Variants in ITGA9 observed in about 807,000 individuals in gnomAD.
ITGA9 encodes integrin subunit alpha 9.
A neutral mutation model predicts 127.8 loss-of-function variants in ITGA9; 56 were observed. That is an observed-to-expected ratio of 0.44 (90% CI 0.35 to 0.55). ITGA9 has a LOEUF of 0.55. Among genes scored for constraint, ITGA9 ranks in the 20% least tolerant of loss-of-function variants. ITGA9 has a pLI of 0.00. For missense variants in ITGA9, 1,196 were observed against 1,347.1 expected, an observed-to-expected ratio of 0.89 and a Z score of 1.76; for synonymous variants, 508 against 514.5, an observed-to-expected ratio of 0.99 and a Z score of 0.17.
intron 23 of ITGA9, among the ~76,000 whole-genome samples, chr3:37,766,485 G>A (rs928090756): frequency 2.6e-5 from 4 of 152,294 alleles, no homozygotes; most frequent in Admixed American, 2.6e-4. Flanking sequence ...TGGTGATGTA[G>A]GAATCATGGC....
At chr3:37,638,451 GAAAA>G (rs35047739) in intron 16 of ITGA9, among the ~76,000 whole-genome samples, 22 of 127,596 alleles carry the variant, frequency 1.7e-4, no homozygotes, top group Admixed American at 4.8e-4. Context: ...TGATTATGGG[GAAAA>G]AAAAAAAAAA....
At chr3:37,780,805 C>G (rs1345895515) in intron 25 of ITGA9, among the ~76,000 whole-genome samples, 1 of 152,142 alleles carries the variant, frequency 6.6e-6, no homozygotes, top group Non-Finnish European at 1.5e-5. Flanking sequence ...TATAAGTGTT[C>G]CCTTTTCTTT....
Position 37,785,025 on chromosome 3 carries a change from G to A in ITGA9, c.2836G>A (p.Asp946Asn), listed in dbSNP as rs777371983. The A allele has an allele frequency of 9.9e-6, 16 of 1,614,178 alleles. No individual in the cohort carries two copies. The highest frequency in any genetic ancestry group is 1.6e-4 in the Middle Eastern group (1 of 6,062). The change falls in exon 26 of 28, where the codon GAT becomes AAT. Residue 946 changes from aspartate (D) to asparagine (N), a missense_variant. By Grantham distance (23) the Asp-to-Asn change is conservative. Transcript: ENST00000264741. Reference protein sequence around the residue: ...QFMSRAKVKVDPALRVVEIAH... With the variant: ...QFMSRAKVKVNPALRVVEIAH... ...CATGTCCCGCGCCAAGGTGAAGGTG[G>A]ATCCTGCCCTAAGGGTGGTGGAAAT...
At chr3:37,606,474 A>G (rs538922665) in intron 15 of ITGA9, among the ~76,000 whole-genome samples, 24 of 152,292 alleles carry the variant, frequency 1.6e-4, no homozygotes, top group African/African-American at 5.5e-4. Context: ...GCACAGCTGT[A>G]TTGGACAGCA....
intron 22 of ITGA9, chr3:37,748,013 C>T: frequency 3.0e-6 from 1 of 331,760 alleles, no homozygotes; most frequent in South Asian, 2.7e-5. Flanking sequence ...ACCTCCAGTT[C>T]CGTCCTTGTT....
intron 14 of ITGA9, among the ~76,000 whole-genome samples, chr3:37,535,400 G>A (rs186080412): frequency 7.9e-5 from 12 of 152,334 alleles, no homozygotes; most frequent in Admixed American, 4.6e-4. Flanking sequence ...TGAGCTGAGC[G>A]CAGAGGAGAT....
intron 16 of ITGA9, among the ~76,000 whole-genome samples, chr3:37,630,371 G>C (rs1407481664): frequency 6.6e-6 from 1 of 152,228 alleles, no homozygotes; most frequent in Non-Finnish European, 1.5e-5. Flanking sequence ...ATGGTCTAAT[G>C]ATGCTGTGCT....
intron 23 of ITGA9, among the ~76,000 whole-genome samples, chr3:37,762,614 A>C (rs1409571898): frequency 6.6e-6 from 1 of 152,218 alleles, no homozygotes; most frequent in Non-Finnish European, 1.5e-5. Context: ...GCTGCATTCA[A>C]GGAGATTCTC....
In ITGA9 at chr3:37,727,990, C is replaced by T. The variant is rs373791662; in HGVS notation, c.2068-4722C>T. Among the ~76,000 whole-genome samples the T allele has an allele frequency of 1.6e-4, 25 of 152,316 alleles. No homozygotes were observed. The East Asian group carries it at 2.1e-3, about 13-fold the overall frequency. ...CTTTTAGAGCAAGATTTCTGCTTCA[C>T]TCTGTATTTGATTTGCATTGTATTG... On this transcript the variant is annotated intron_variant, in intron 18 of 27. Transcript: ENST00000264741.
intron 16 of ITGA9, among the ~76,000 whole-genome samples, chr3:37,638,934 A>G (rs1211909043): frequency 6.6e-6 from 1 of 152,170 alleles, no homozygotes; most frequent in Non-Finnish European, 1.5e-5. Flanking sequence ...CCTTCCCTCT[A>G]TAGGGTACAT....
Position 37,629,255 on chromosome 3 carries a change from T to C in ITGA9, c.1758T>C (p.Thr586=). ...EAAYSLSEHV[T]GEEERELPPL... is the part of the protein sequence containing the mutation. ...CCTACAGCCTCAGTGAGCATGTGAC[T>C]GGAGAGGAGGAGAGGGAACTGCCGC... Residue 586 remains threonine, a synonymous_variant, in exon 16 of 28, where the codon ACT becomes ACC. Coordinates refer to ENST00000264741, the MANE Select transcript of ITGA9 (RefSeq NM_002207.3). The surrounding 1 kb of genome is among the most constrained non-coding windows in gnomAD (Gnocchi z 4.5). The C allele has an allele frequency of 6.2e-7, 1 of 1,613,916 alleles. No homozygotes were observed. Among genetic ancestry groups the C allele is most frequent in the Non-Finnish European group, 8.5e-7 (1 of 1,179,992 alleles).
chr3:37,623,582 T>C (rs1700146694), intron 15 of ITGA9, among the ~76,000 whole-genome samples: 1 of 152,220 alleles, frequency 6.6e-6, no homozygotes, highest in Admixed American at 6.5e-5. Context: ...GTTAGTTCCC[T>C]GATAACTTTA....
intron 18 of ITGA9, among the ~76,000 whole-genome samples, chr3:37,727,096 G>A (rs892018026): frequency 2.0e-5 from 3 of 152,204 alleles, no homozygotes; most frequent in East Asian, 1.9e-4. Context: ...CCTCCATAGA[G>A]TATCGATTGT....
chr3:37,481,414 C>T, intron 3 of ITGA9, 70 bp from the exon 4 acceptor site: 1 of 1,596,120 alleles, frequency 6.3e-7, no homozygotes, highest in Middle Eastern at 1.7e-4. Context: ...ACATCTGGCA[C>T]TGACAGGAGT....
chr3:37,469,200 C>G (rs977799574), intron 1 of ITGA9, among the ~76,000 whole-genome samples: 1 of 152,342 alleles, frequency 6.6e-6, no homozygotes, highest in African/African-American at 2.4e-5. Flanking sequence ...CCGGGGGATG[C>G]TCCTGCTGGG....
chr3:37,561,167 A>C lies in ITGA9; in HGVS notation c.1689+18582A>C, dbSNP rs528499735. On this transcript the variant is annotated intron_variant, in intron 15 of 27. Coordinates refer to ENST00000264741, the MANE Select transcript of ITGA9 (RefSeq NM_002207.3). ...CAGGAATTTTGGGGGAACACAGTTC[A>C]GCGCATAAAAATGTATATTATTTAG... 3.3e-3 allele frequency among the ~76,000 whole-genome samples: 510 copies of C among 152,364 alleles called. 2 individuals carry two copies. Among genetic ancestry groups the C allele is most frequent in the Non-Finnish European group, 5.6e-3 (381 of 68,032 alleles).
chr3:37,647,760 G>C (rs920685134), intron 16 of ITGA9, among the ~76,000 whole-genome samples: 3 of 151,974 alleles, frequency 2.0e-5, no homozygotes, highest in Non-Finnish European at 4.4e-5. Flanking sequence ...GTTTCACTTA[G>C]CATAATGTCC....
intron 15 of ITGA9, among the ~76,000 whole-genome samples, chr3:37,608,457 C>G (rs189621463): frequency 3.1e-4 from 47 of 149,498 alleles, no homozygotes; most frequent in Non-Finnish European, 5.8e-4. Context: ...ACAAACAAAA[C>G]TGTTTTCATC....
At chr3:37,742,621 C>G (rs910140261) in intron 21 of ITGA9, among the ~76,000 whole-genome samples, 2 of 152,160 alleles carry the variant, frequency 1.3e-5, no homozygotes, top group African/African-American at 4.8e-5. Context: ...CCCACTGAAC[C>G]CTTGACCCAA....
Sources: gnomAD v4.1 joint callset for allele counts (sites outside exome capture counted in the v4.1 genomes callset) on GRCh38, gnomAD v4.1.1 for gene constraint, Gnocchi (gnomAD v3.1) non-coding constraint, MANE v1.5 for transcripts, NCBI Gene and HGNC (gene_info 2026-07-23, HGNC 2026-07-21) for gene names.